The following MAPRE3 variants were observed in gnomAD, a reference collection of about 807,000 sequenced individuals.
The protein encoded by MAPRE3 is microtubule-associated protein RP/EB family member 3.
Under a neutral mutation model 30.5 loss-of-function variants are expected in MAPRE3, and 2 were observed. The ratio of observed to expected loss-of-function variants is 0.07; its 90% confidence interval spans 0.03 to 0.21. The LOEUF (loss-of-function observed/expected upper bound fraction) is 0.21. MAPRE3 is among the 10% of genes least tolerant of loss of function. MAPRE3 has a pLI of 1.00. For missense variants in MAPRE3, 204 were observed against 351.8 expected (o/e 0.58, Z 3.36); for synonymous variants, 110 against 127.7 (o/e 0.86, Z 0.93).
chr2:26,972,988 T>G (rs753987316), intron 1 of MAPRE3, among the ~76,000 whole-genome samples: 24 of 152,220 alleles, frequency 1.6e-4, no homozygotes, highest in Non-Finnish European at 3.2e-4. Flanking sequence ...GAGAGGGACA[T>G]GATTTGAACC....
intron 1 of MAPRE3, among the ~76,000 whole-genome samples, chr2:26,981,649 T>C (rs998985624): frequency 1.6e-4 from 25 of 152,176 alleles, no homozygotes; most frequent in Admixed American, 4.6e-4. Context: ...GCTGGATTGC[T>C]GAGATGGATG....
intron 1 of MAPRE3, among the ~76,000 whole-genome samples, chr2:26,983,388 ACATGCAAGCCTC>A: frequency 6.6e-6 from 1 of 152,156 alleles, no homozygotes; most frequent in Non-Finnish European, 1.5e-5. Flanking sequence ...GGCTTCTCAG[ACATGCAAGCCTC>A]TGATTGAACT....
chr2:27,024,322 G>A (rs372985250), intron 4 of MAPRE3, 25 bp downstream of exon 4: 2 of 1,606,034 alleles, frequency 1.2e-6, no homozygotes, highest in South Asian at 1.1e-5. Flanking sequence ...CCGGGGGAGG[G>A]AGCGTGGGGG....
intron 1 of MAPRE3, among the ~76,000 whole-genome samples, chr2:27,008,734 G>C (rs1666780928): frequency 6.6e-6 from 1 of 152,164 alleles, no homozygotes; most frequent in Non-Finnish European, 1.5e-5. Context: ...GACAAAGCAA[G>C]AGAAGACTGA....
Position 27,026,316 on chromosome 2 carries a change from G to A in MAPRE3, c.814G>A (p.Glu272Lys), listed in dbSNP as rs370257698. 3 of 1,614,054 alleles carry A rather than the reference G, an allele frequency of 1.9e-6. No homozygotes were observed. Among genetic ancestry groups the A allele is most frequent in the South Asian group, 1.1e-5 (1 of 91,064 alleles). ...FAPPEDDEIE[E>K]HQQEDQDEY ...ACCCCCTGAGGACGATGAGATTGAA[G>A]AGCATCAACAAGAAGACCAGGACGA... The change falls in exon 7 of 7, where the codon GAG becomes AAG. Residue 272 changes from glutamate (E) to lysine (K), a missense_variant. Around this residue, in one of 5 missense-constraint regions of MAPRE3, gnomAD observed 26 missense variants for 25.6 expected, o/e 1.02. Coordinates refer to ENST00000233121, the MANE Select transcript of MAPRE3 (RefSeq NM_012326.4).
chr2:26,973,593 G>T (rs1427295845), intron 1 of MAPRE3, among the ~76,000 whole-genome samples: 1 of 150,084 alleles, frequency 6.7e-6, no homozygotes, highest in Admixed American at 6.6e-5. Context: ...TGTCGCCCAG[G>T]CCGGACTGCG....
chr2:27,001,653 A>C (rs182781413), intron 1 of MAPRE3, among the ~76,000 whole-genome samples: 35 of 152,322 alleles, frequency 2.3e-4, no homozygotes, highest in African/African-American at 7.5e-4. Context: ...CCCCTTCATT[A>C]ATTCATTCAT....
chr2:27,020,998 T>G (rs75873438), intron 1 of MAPRE3, among the ~76,000 whole-genome samples: 1,796 of 152,304 alleles, frequency 0.012, 32 homozygotes, highest in African/African-American at 0.041. Context: ...AAAAAAAGGA[T>G]TGTTGCATTG....
chr2:26,983,951 T>G (rs1666167568), intron 1 of MAPRE3, among the ~76,000 whole-genome samples: 1 of 152,176 alleles, frequency 6.6e-6, no homozygotes, highest in Non-Finnish European at 1.5e-5. Context: ...ACCCCGTCCC[T>G]TCCCCTTGTT....
chr2:26,992,633 C>A (rs747981720), intron 1 of MAPRE3, among the ~76,000 whole-genome samples: 1 of 151,890 alleles, frequency 6.6e-6, no homozygotes, highest in Non-Finnish European at 1.5e-5. Flanking sequence ...GCACCTACTT[C>A]AGCCATGCTT....
chr2:26,972,637 G>A (rs528380840), intron 1 of MAPRE3, among the ~76,000 whole-genome samples: 1 of 152,354 alleles, frequency 6.6e-6, no homozygotes, highest in East Asian at 1.9e-4. Flanking sequence ...GGAGCAGACA[G>A]CTGTACTGGA....
At chr2:27,014,794 A>G (rs1196520161) in intron 1 of MAPRE3, 1 of 152,182 alleles carries the variant, frequency 6.6e-6, no homozygotes, top group Non-Finnish European at 1.5e-5. Context: ...TGGATGTGTG[A>G]CTCACAGGGG....
chr2:27,014,261 G>T (rs2148221857), intron 1 of MAPRE3, among the ~76,000 whole-genome samples: 1 of 152,292 alleles, frequency 6.6e-6, no homozygotes, highest in African/African-American at 2.4e-5. Context: ...CGAAGTTATG[G>T]TCAGATAGGG....
rs139943363 is a variant in MAPRE3, at chr2:26,997,496, G to A, written c.-7-24716G>A. ...TGAGTTAGATCCTCATACAGAACAC[G>A]CAGCCTAGATTCCTCAAATGCACAG... is the stretch of plus-strand genomic sequence containing the variant. On this transcript the variant is annotated intron_variant, in intron 1 of 6. Transcript: ENST00000233121. 7.6e-3 allele frequency among the ~76,000 whole-genome samples: 1,161 copies of A among 152,162 alleles called. 9 individuals carry two copies. Among genetic ancestry groups the A allele is most frequent in the Non-Finnish European group, 0.012 (805 of 68,006 alleles).
chr2:26,995,780 G>GAGGTGTGTGTGT (rs1666439666), intron 1 of MAPRE3, among the ~76,000 whole-genome samples: 1 of 109,638 alleles, frequency 9.1e-6, no homozygotes, highest in East Asian at 3.5e-4. Context: ...TTCTAAGAGA[G>GAGGTGTGTGTGT]GTGTGTGTGT....
chr2:26,993,967 A>G (rs1025607836), intron 1 of MAPRE3, among the ~76,000 whole-genome samples: 1 of 152,202 alleles, frequency 6.6e-6, no homozygotes, highest in African/African-American at 2.4e-5. Context: ...ACTGACATTA[A>G]GGAATGCTAC....
At chr2:26,987,363 G>A (rs1250280835) in intron 1 of MAPRE3, among the ~76,000 whole-genome samples, 6 of 152,150 alleles carry the variant, frequency 3.9e-5, no homozygotes, top group South Asian at 2.1e-4. Flanking sequence ...CTGGCTGGGC[G>A]CGGTGGCTCA....
chr2:27,023,213 G>A (rs2148228832), intron 2 of MAPRE3, 119 bp from the exon 3 acceptor site: 2 of 1,084,800 alleles, frequency 1.8e-6, no homozygotes, highest in Non-Finnish European at 2.6e-6. Flanking sequence ...CTGAAAGTAG[G>A]ACTGGTCCCT....
At chr2:26,994,432 G>A (rs531866357) in intron 1 of MAPRE3, among the ~76,000 whole-genome samples, 1 of 152,304 alleles carries the variant, frequency 6.6e-6, no homozygotes, top group African/African-American at 2.4e-5. Context: ...CTCTACCAGA[G>A]GAGACATCAT....
Sources: gnomAD v4.1 joint callset for allele counts (sites outside exome capture counted in the v4.1 genomes callset) on GRCh38, gnomAD v4.1.1 for gene constraint, gnomAD v4.1.1 regional missense constraint, MANE v1.5 for transcripts, NCBI Gene and HGNC (gene_info 2026-07-23, HGNC 2026-07-21) for gene names.